The following GLIS3 variants were observed in gnomAD, a reference collection of about 807,000 sequenced individuals.
GLIS3 encodes the protein zinc finger protein GLIS3.
A neutral mutation model predicts 78.6 loss-of-function variants in GLIS3; 53 were observed. That is an observed-to-expected ratio of 0.67 (90% confidence interval 0.54 to 0.85). The LOEUF is 0.85. Among genes scored for constraint, GLIS3 ranks in the 40% least tolerant of loss-of-function variants. The pLI is 0.00. For missense variants in GLIS3, 1,703 were observed against 1,231.1 expected (o/e 1.38, Z -5.74); for synonymous variants, 684 against 509.9 (o/e 1.34, Z -4.60).
At chr9:4,371,492 T>A in the GLIS3 span, among the ~76,000 whole-genome samples, 1 of 152,192 alleles carries the variant, frequency 6.6e-6, no homozygotes, top group Admixed American at 6.5e-5. Context: ...GGAGTCTTGT[T>A]CACAAATCCT....
chr9:3,994,267 G>C (rs566460208), intron 4 of GLIS3, among the ~76,000 whole-genome samples: 1 of 152,244 alleles, frequency 6.6e-6, no homozygotes, highest in Middle Eastern at 3.4e-3. Context: ...CCTTTACATT[G>C]AAAAATACAA....
intron 2 of GLIS3, among the ~76,000 whole-genome samples, chr9:4,182,172 A>G (rs946480319): frequency 6.6e-6 from 1 of 152,180 alleles, no homozygotes; most frequent in African/African-American, 2.4e-5. Context: ...GTTATTGTTC[A>G]TTTTGATCTG....
At chr9:4,072,101 C>T (rs1367173539) in intron 4 of GLIS3, among the ~76,000 whole-genome samples, 1 of 152,152 alleles carries the variant, frequency 6.6e-6, no homozygotes, top group Non-Finnish European at 1.5e-5. Flanking sequence ...GCAGGGATGT[C>T]TTCTTAAATC....
intron 8 of GLIS3, among the ~76,000 whole-genome samples, chr9:3,867,718 TGTGTGTGTGTGCGTGC>T (rs1488035874): frequency 0.13 from 764 of 5,944 alleles, 4 homozygotes; most frequent in South Asian, 0.27. Context: ...ACAATTCTTG[TGTGTGTGTGTGCGTGC>T]GTGTGTGTGT....
intron 6 of GLIS3, among the ~76,000 whole-genome samples, chr9:3,930,390 C>T (rs944167273): frequency 2.2e-4 from 33 of 152,148 alleles, no homozygotes; most frequent in South Asian, 2.1e-4. Flanking sequence ...TGAAAGTATA[C>T]TCTTCTTTAT....
chr9:4,291,270 G>A (rs548805795), intron 1 of GLIS3, among the ~76,000 whole-genome samples: 1 of 152,190 alleles, frequency 6.6e-6, no homozygotes, highest in South Asian at 2.1e-4. Flanking sequence ...TATACCAACT[G>A]AAGACAAATT....
At chr9:3,957,866 C>T (rs12238888) in intron 4 of GLIS3, among the ~76,000 whole-genome samples, 26,256 of 152,180 alleles carry the variant, frequency 0.17, 2,651 homozygotes, top group East Asian at 0.26. Flanking sequence ...GTGCAAAATG[C>T]TCTGCCTGAA....
At chr9:4,162,174 T>C (rs946334103) in intron 2 of GLIS3, among the ~76,000 whole-genome samples, 1 of 152,216 alleles carries the variant, frequency 6.6e-6, no homozygotes, top group Non-Finnish European at 1.5e-5. Flanking sequence ...CTGTATGTCT[T>C]CTGTGTTCAC....
chr9:4,097,294 G>C (rs891457121), intron 4 of GLIS3, among the ~76,000 whole-genome samples: 3 of 152,024 alleles, frequency 2.0e-5, no homozygotes, highest in Non-Finnish European at 4.4e-5. Flanking sequence ...GTAAAAAAAA[G>C]TATGAGTGAG....
At chr9:4,467,451 GCAA>G in the GLIS3 span, among the ~76,000 whole-genome samples, 1,190 of 152,306 alleles carry the variant, frequency 7.8e-3, 15 homozygotes, top group African/African-American at 0.028. Context: ...GAAAGATCAG[GCAA>G]CAACATTTGC....
intron 2 of GLIS3, among the ~76,000 whole-genome samples, chr9:4,213,409 G>T (rs1309101062): frequency 6.6e-6 from 1 of 152,094 alleles, no homozygotes; most frequent in East Asian, 1.9e-4. Flanking sequence ...GTATCCCCAT[G>T]TTGATTTTCT....
Position 4,118,650 on chromosome 9 carries a change from C to G in GLIS3, c.828G>C (p.Thr276=), listed in dbSNP as rs1440560225. ...SNSLPSYLFG[T]ESSHSPYPSP... Reference sequence around the variant, plus strand: ...TAGGGTAAGGAGAGTGGCTACTTTCCGTGCCAAAAAGGTAGGATGGTAATG... The same window carrying G: ...TAGGGTAAGGAGAGTGGCTACTTTCGGTGCCAAAAAGGTAGGATGGTAATG... Residue 276 remains threonine (T), a synonymous_variant, in exon 4 of 11, where the codon ACG becomes ACC. Transcript: ENST00000381971. This position sits in a 1 kb window ranked among gnomAD's most constrained non-coding sequence, Gnocchi z 4.7. 2.5e-6 allele frequency: 4 copies of G among 1,614,048 alleles called. No individual in the cohort carries two copies.
the GLIS3 span, among the ~76,000 whole-genome samples, chr9:4,455,882 G>T: frequency 1.3e-5 from 2 of 152,150 alleles, no homozygotes; most frequent in African/African-American, 2.4e-5. Context: ...GAAGACCAAG[G>T]CATGTGAATT....
intron 2 of GLIS3, among the ~76,000 whole-genome samples, chr9:4,218,073 C>T (rs578095456): frequency 4.1e-4 from 62 of 152,358 alleles, no homozygotes; most frequent in African/African-American, 1.5e-3. Flanking sequence ...TCCTTATTCA[C>T]AAACCCAATC....
intron 4 of GLIS3, among the ~76,000 whole-genome samples, chr9:4,009,232 C>T (rs662121): frequency 2.0e-5 from 3 of 152,210 alleles, no homozygotes; most frequent in African/African-American, 7.2e-5. Flanking sequence ...CATGAGGAGG[C>T]TGCCCACCTC....
intron 4 of GLIS3, among the ~76,000 whole-genome samples, chr9:3,946,301 G>C (rs1452749297): frequency 2.6e-5 from 4 of 152,138 alleles, no homozygotes; most frequent in African/African-American, 7.2e-5. Flanking sequence ...GCATATACTT[G>C]GCAAGTGATT....
At chr9:4,416,226 T>A in the GLIS3 span, among the ~76,000 whole-genome samples, 5 of 120,108 alleles carry the variant, frequency 4.2e-5, no homozygotes, top group Non-Finnish European at 6.3e-5. Context: ...TACTCTGGCC[T>A]GAGTGAGAGA....
chr9:4,011,484 G>C (rs1033449401), intron 4 of GLIS3, among the ~76,000 whole-genome samples: 6 of 152,242 alleles, frequency 3.9e-5, no homozygotes, highest in Admixed American at 3.3e-4. Flanking sequence ...GGGAACAGAT[G>C]TTGGACTGTG....
At chr9:4,439,907 T>A in the GLIS3 span, among the ~76,000 whole-genome samples, 1 of 152,202 alleles carries the variant, frequency 6.6e-6, no homozygotes, top group African/African-American at 2.4e-5. Context: ...GGTCTTGAAC[T>A]CCTGTGCTCA....
Sources: gnomAD v4.1 joint callset for allele counts (sites outside exome capture counted in the v4.1 genomes callset) on GRCh38, gnomAD v4.1.1 for gene constraint, Gnocchi (gnomAD v3.1) non-coding constraint, MANE v1.5 for transcripts, NCBI Gene and HGNC (gene_info 2026-07-23, HGNC 2026-07-21) for gene names.